The following MIPOL1 variants were observed in gnomAD, a reference collection of about 807,000 sequenced individuals.
MIPOL1 encodes mirror-image polydactyly gene 1 protein.
A neutral mutation model predicts 60.9 loss-of-function variants in MIPOL1; 57 were observed. The ratio of observed to expected loss-of-function variants is 0.94; its 90% confidence interval spans 0.76 to 1.17. The LOEUF (loss-of-function observed/expected upper bound fraction) is 1.17, where lower values mean the gene tolerates loss of function less well. Among genes scored for constraint, MIPOL1 ranks in the 50% most tolerant of loss-of-function variants. MIPOL1 has a pLI of 0.00. For missense variants in MIPOL1, 551 were observed against 511.6 expected, an observed-to-expected ratio of 1.08 and a Z score of -0.74; for synonymous variants, 179 against 168.8, an observed-to-expected ratio of 1.06 and a Z score of -0.47.
At chr14:37,356,207 G>C (rs1184186878) in intron 9 of MIPOL1, among the ~76,000 whole-genome samples, 2 of 152,016 alleles carry the variant, frequency 1.3e-5, no homozygotes, top group Non-Finnish European at 2.9e-5. Flanking sequence ...GTGCCTCCCA[G>C]TTAGGCTTCT....
intron 11 of MIPOL1, among the ~76,000 whole-genome samples, chr14:37,481,573 A>G (rs2094867957): frequency 8.6e-6 from 1 of 115,978 alleles, no homozygotes; most frequent in Non-Finnish European, 1.9e-5. Context: ...ACACACACAC[A>G]CACACACACA....
chr14:37,231,860 G>T (rs866462853), intron 1 of MIPOL1, among the ~76,000 whole-genome samples: 5 of 151,754 alleles, frequency 3.3e-5, no homozygotes, highest in African/African-American at 1.2e-4. Context: ...TGGGAGCCTC[G>T]TTTGAGGCCA....
At chr14:37,410,901 A>G (rs2093670691) in intron 10 of MIPOL1, among the ~76,000 whole-genome samples, 1 of 152,084 alleles carries the variant, frequency 6.6e-6, no homozygotes, top group Non-Finnish European at 1.5e-5. Flanking sequence ...ATATTTTTTT[A>G]TTTTAAAAAT....
In MIPOL1 at chr14:37,484,237, A is replaced by C. The variant is rs113411749; in HGVS notation, c.1032-15671A>C. On this transcript the variant is annotated intron_variant, in intron 11 of 12. Transcript: ENST00000684589. ...CTTGTAGGTTTCTGTGTCTTGCCAC[A>C]TTTCAAAGTTTTCAGCCATTGTTTC... 8.5e-3 allele frequency among the ~76,000 whole-genome samples: 1,285 copies of C among 151,104 alleles called. 19 individuals carry two copies. Among genetic ancestry groups the C allele is most frequent in the African/African-American group, 0.029 (1,179 of 41,128 alleles).
intron 11 of MIPOL1, 48 bp downstream of exon 11, chr14:37,422,997 A>G (rs1357201141): frequency 1.7e-6 from 2 of 1,185,858 alleles, no homozygotes; most frequent in Admixed American, 3.9e-5. Context: ...TTAGTTTGGG[A>G]AATGTTTCTA....
At chr14:37,539,974 G>T (rs1454303491) in intron 12 of MIPOL1, among the ~76,000 whole-genome samples, 1 of 152,094 alleles carries the variant, frequency 6.6e-6, no homozygotes, top group Non-Finnish European at 1.5e-5. Flanking sequence ...GTTTTAGAGG[G>T]GGCTTTTCCC....
At chr14:37,243,263 G>A (rs2153348890) in intron 1 of MIPOL1, among the ~76,000 whole-genome samples, 1 of 152,214 alleles carries the variant, frequency 6.6e-6, no homozygotes, top group Middle Eastern at 3.4e-3. Context: ...ATAGCTCTGA[G>A]GAACTTGAGT....
intron 11 of MIPOL1, among the ~76,000 whole-genome samples, chr14:37,455,916 G>A (rs917778428): frequency 3.3e-5 from 5 of 151,844 alleles, no homozygotes; most frequent in Non-Finnish European, 4.4e-5. Flanking sequence ...CTCAGATTTA[G>A]TAAGTCTATG....
chr14:37,480,712 T>G (rs1223997086), intron 11 of MIPOL1, among the ~76,000 whole-genome samples: 1 of 151,964 alleles, frequency 6.6e-6, no homozygotes, highest in African/African-American at 2.4e-5. Flanking sequence ...GCCAGAGCAA[T>G]TAGGCAAGAG....
chr14:37,331,431 T>C (rs1165263356), intron 9 of MIPOL1, among the ~76,000 whole-genome samples: 1 of 152,014 alleles, frequency 6.6e-6, no homozygotes, highest in Non-Finnish European at 1.5e-5. Context: ...GTGTATGTCC[T>C]CTTCAGTTTC....
At chr14:37,471,083 C>A (rs888475001) in intron 11 of MIPOL1, among the ~76,000 whole-genome samples, 1 of 152,152 alleles carries the variant, frequency 6.6e-6, no homozygotes, top group East Asian at 1.9e-4. Flanking sequence ...CATGTACTCA[C>A]TGAATCTATA....
At chr14:37,474,827 T>G (rs191697204) in intron 11 of MIPOL1, among the ~76,000 whole-genome samples, 1 of 152,322 alleles carries the variant, frequency 6.6e-6, no homozygotes, top group East Asian at 1.9e-4. Flanking sequence ...ATTCTAATAA[T>G]TAGTGTGGTA....
At chr14:37,288,835 G>A (rs1344801183) in intron 7 of MIPOL1, among the ~76,000 whole-genome samples, 6 of 151,904 alleles carry the variant, frequency 3.9e-5, no homozygotes, top group African/African-American at 1.5e-4. Context: ...AGCTCAGAGG[G>A]TGGCAAGTAG....
At chr14:37,290,339 C>G (rs1567302763) in intron 7 of MIPOL1, among the ~76,000 whole-genome samples, 2 of 152,096 alleles carry the variant, frequency 1.3e-5, no homozygotes, top group Admixed American at 6.6e-5. Context: ...TATTTTCCCA[C>G]CTCAGCCTCC....
intron 11 of MIPOL1, among the ~76,000 whole-genome samples, chr14:37,476,783 G>T (rs2094780845): frequency 6.6e-6 from 1 of 151,548 alleles, no homozygotes. Context: ...AGTCTCACTT[G>T]GTCTTAGTGT....
chr14:37,416,600 T>C (rs1444873759), intron 10 of MIPOL1, among the ~76,000 whole-genome samples: 1 of 152,210 alleles, frequency 6.6e-6, no homozygotes, highest in Non-Finnish European at 1.5e-5. Flanking sequence ...TATAGTCTTA[T>C]ATGTGGTCCG....
At chr14:37,409,855 AGTTCAACACAGATG>A (rs2093652857) in intron 10 of MIPOL1, among the ~76,000 whole-genome samples, 1 of 152,184 alleles carries the variant, frequency 6.6e-6, no homozygotes, top group Non-Finnish European at 1.5e-5. Flanking sequence ...AATTACCCAT[AGTTCAACACAGATG>A]GATGAATCAA....
intron 10 of MIPOL1, chr14:37,399,952 G>A (rs2093451325): frequency 3.3e-5 from 5 of 152,054 alleles, no homozygotes; most frequent in Non-Finnish European, 7.4e-5. Context: ...ATCACCCACT[G>A]GAAAACTCTA....
chr14:37,316,104 G>T (rs963786172), intron 9 of MIPOL1, among the ~76,000 whole-genome samples: 4 of 151,344 alleles, frequency 2.6e-5, no homozygotes, highest in Middle Eastern at 3.4e-3. Context: ...TAAGCTCACC[G>T]CAACCTCTCC....
Sources: allele counts gnomAD v4.1 joint callset (sites outside exome capture counted in the v4.1 genomes callset), GRCh38; gene constraint gnomAD v4.1.1; transcripts MANE v1.5; gene names NCBI Gene and HGNC (gene_info 2026-07-23, HGNC 2026-07-21).